The following PTPRK variants were observed in gnomAD, a reference collection of about 807,000 sequenced individuals.
PTPRK encodes the protein receptor-type tyrosine-protein phosphatase kappa.
PTPRK carries 75 observed loss-of-function variants against 178.0 expected under a neutral mutation model. That is an observed-to-expected ratio of 0.42 (90% CI 0.35 to 0.51). The LOEUF (loss-of-function observed/expected upper bound fraction) is 0.51. PTPRK is among the 20% of genes least tolerant of loss of function. The pLI is 0.02. For synonymous variants in PTPRK, 637 were observed against 620.6 expected, an observed-to-expected ratio of 1.03 and a Z score of -0.39; for missense variants, 1,441 against 1,797.8, an observed-to-expected ratio of 0.80 and a Z score of 3.59.
chr6:128,305,057 T>C (rs914926748), intron 3 of PTPRK, among the ~76,000 whole-genome samples: 2 of 152,198 alleles, frequency 1.3e-5, no homozygotes, highest in African/African-American at 4.8e-5. Flanking sequence ...TACTCAAGTA[T>C]TCTTTTCTTG....
chr6:128,183,895 C>T (rs1360937916), intron 7 of PTPRK, among the ~76,000 whole-genome samples: 2 of 152,064 alleles, frequency 1.3e-5, no homozygotes, highest in African/African-American at 4.8e-5. Flanking sequence ...TAAGGAAAAT[C>T]TCTCTGTGTT....
intron 13 of PTPRK, among the ~76,000 whole-genome samples, chr6:128,012,530 C>T (rs181839110): frequency 1.3e-5 from 2 of 150,916 alleles, no homozygotes; most frequent in Admixed American, 6.6e-5. Flanking sequence ...TTTTTATCTG[C>T]CAAAGAGCAT....
At chr6:128,343,011 C>A (rs1457493850) in intron 2 of PTPRK, among the ~76,000 whole-genome samples, 1 of 151,930 alleles carries the variant, frequency 6.6e-6, no homozygotes, top group Non-Finnish European at 1.5e-5. Context: ...GTAGAGACTG[C>A]CTGAATTAAA....
intron 1 of PTPRK, among the ~76,000 whole-genome samples, chr6:128,430,393 C>T (rs554868430): frequency 1.3e-5 from 2 of 152,200 alleles, no homozygotes; most frequent in South Asian, 2.1e-4. Flanking sequence ...TTTACAAAAT[C>T]GATATATGCT....
intron 21 of PTPRK, among the ~76,000 whole-genome samples, chr6:127,986,587 A>C (rs944691453): frequency 6.6e-6 from 1 of 152,150 alleles, no homozygotes; most frequent in Admixed American, 6.6e-5. Flanking sequence ...TCCTTTTTTT[A>C]GAAGAAGTCT....
chr6:128,086,383 A>C (rs1785829052), intron 8 of PTPRK, among the ~76,000 whole-genome samples: 1 of 152,188 alleles, frequency 6.6e-6, no homozygotes, highest in Non-Finnish European at 1.5e-5. Context: ...CTGGAATAAA[A>C]AATGAAAACA....
intron 15 of PTPRK, chr6:128,000,433 T>C (rs372966225): frequency 2.5e-5 from 18 of 724,250 alleles, no homozygotes; most frequent in Non-Finnish European, 2.9e-5. Context: ...AGCTGAATGC[T>C]CTTTTTGTAG....
chr6:128,189,241 T>TC (rs1562755690), intron 6 of PTPRK, among the ~76,000 whole-genome samples: 2 of 132,352 alleles, frequency 1.5e-5, no homozygotes, highest in African/African-American at 5.6e-5. Flanking sequence ...TTTTCTTTTT[T>TC]TTTTTTTTTT....
intron 4 of PTPRK, chr6:128,241,417 T>C (rs555272095): frequency 2.1e-4 from 94 of 444,970 alleles, no homozygotes; most frequent in African/African-American, 1.7e-3. Context: ...ACCACAGCTG[T>C]AGGTGATTCC....
At chr6:128,380,016 A>G (rs1445988182) in intron 2 of PTPRK, among the ~76,000 whole-genome samples, 2 of 152,162 alleles carry the variant, frequency 1.3e-5, no homozygotes, top group Admixed American at 1.3e-4. Context: ...ATTCCCATGG[A>G]CAATAGGTTA....
In PTPRK at chr6:128,107,217, T is replaced by C. The variant is rs115708906; in HGVS notation, c.1163-17225A>G. On this transcript the variant is annotated intron_variant, in intron 7 of 29. Transcript: ENST00000368226. The stretch of plus-strand genomic sequence containing the variant: ...ATTATATAATATATAAGTATATAAA[T>C]TGTTTGTTTTTAGAAGAAATTTATA... Among the ~76,000 whole-genome samples, 493 of 152,114 alleles carry C rather than the reference T, an allele frequency of 3.2e-3. 2 individuals carry two copies. Among genetic ancestry groups the C allele is most frequent in the African/African-American group, 0.011 (472 of 41,546 alleles).
At chr6:128,490,978 T>G (rs1242204934) in intron 1 of PTPRK, among the ~76,000 whole-genome samples, 1 of 152,200 alleles carries the variant, frequency 6.6e-6, no homozygotes, top group Non-Finnish European at 1.5e-5. Flanking sequence ...TAATGACCTC[T>G]TTAAAGTCCC....
intron 3 of PTPRK, among the ~76,000 whole-genome samples, chr6:128,293,090 T>A (rs1346441344): frequency 1.3e-5 from 2 of 152,104 alleles, no homozygotes; most frequent in Admixed American, 6.6e-5. Context: ...TTTCACTTCA[T>A]ACAATTATTA....
intron 29 of PTPRK, among the ~76,000 whole-genome samples, chr6:127,972,756 AT>A (rs1002501102): frequency 6.6e-6 from 1 of 152,174 alleles, no homozygotes; most frequent in Non-Finnish European, 1.5e-5. Context: ...TGCAGCAAAT[AT>A]TTTTTGGCTA....
chr6:128,302,319 G>C (rs1825748785), intron 3 of PTPRK, among the ~76,000 whole-genome samples: 1 of 149,482 alleles, frequency 6.7e-6, no homozygotes, highest in African/African-American at 2.5e-5. Context: ...GTGAACCCAG[G>C]AGGCGGAGCT....
intron 13 of PTPRK, among the ~76,000 whole-genome samples, chr6:128,053,576 A>G (rs143487140): frequency 6.6e-6 from 1 of 151,852 alleles, no homozygotes; most frequent in East Asian, 1.9e-4. Context: ...TTGATGTTCT[A>G]CTCACCCTAG....
chr6:128,516,389 G>C (rs1165241129), intron 1 of PTPRK, among the ~76,000 whole-genome samples: 1 of 151,522 alleles, frequency 6.6e-6, no homozygotes, highest in African/African-American at 2.4e-5. Flanking sequence ...AAGAGAACTA[G>C]AGAGAGAAAA....
intron 13 of PTPRK, among the ~76,000 whole-genome samples, chr6:128,016,239 T>G (rs111876282): frequency 0.018 from 2,711 of 151,972 alleles, 82 homozygotes; most frequent in African/African-American, 0.062. Context: ...AATGAAGAAC[T>G]AATGCAACAG....
At chr6:128,319,740 G>A (rs1328348764) in intron 3 of PTPRK, among the ~76,000 whole-genome samples, 1 of 152,116 alleles carries the variant, frequency 6.6e-6, no homozygotes, top group African/African-American at 2.4e-5. Context: ...CTATCAAAAT[G>A]TATGGGAGAT....
Sources: gnomAD v4.1 joint callset for allele counts (sites outside exome capture counted in the v4.1 genomes callset) on GRCh38, gnomAD v4.1.1 for gene constraint, MANE v1.5 for transcripts, NCBI Gene and HGNC (gene_info 2026-07-23, HGNC 2026-07-21) for gene names.